Variants in DLGAP1 observed in about 807,000 individuals in gnomAD.
DLGAP1 encodes disks large-associated protein 1.
Under a neutral mutation model 90.8 loss-of-function variants are expected in DLGAP1, and 11 were observed. That is an observed-to-expected ratio of 0.12 (90% CI 0.08 to 0.20). The LOEUF is 0.20. DLGAP1 is among the 10% of genes least tolerant of loss of function. The probability of loss-of-function intolerance (pLI) is 1.00; values close to 1 mark genes in which losing one functional copy is unlikely to be tolerated. For missense variants in DLGAP1, 1,050 were observed against 1,333.8 expected, an observed-to-expected ratio of 0.79 and a Z score of 3.31; for synonymous variants, 558 against 540.7, an observed-to-expected ratio of 1.03 and a Z score of -0.44.
intron 4 of DLGAP1, among the ~76,000 whole-genome samples, chr18:3,835,948 A>C (rs976149582): frequency 3.3e-5 from 5 of 152,202 alleles, no homozygotes; most frequent in Non-Finnish European, 7.3e-5. Flanking sequence ...TAAAACAAAT[A>C]TAAAGTTGAT....
chr18:3,632,368 C>T (rs2058556072), intron 7 of DLGAP1, among the ~76,000 whole-genome samples: 1 of 150,746 alleles, frequency 6.6e-6, no homozygotes, highest in Admixed American at 6.6e-5. Flanking sequence ...GTGGACCGAT[C>T]TCTGCTCACT....
At chr18:3,880,337 C>T (rs1432051696) in intron 3 of DLGAP1, among the ~76,000 whole-genome samples, 197 bp from the exon 4 acceptor site, 1 of 151,970 alleles carries the variant, frequency 6.6e-6, no homozygotes, top group African/African-American at 2.4e-5. Flanking sequence ...GCAGGCCCCA[C>T]CACGCTTGGC....
intron 2 of DLGAP1, among the ~76,000 whole-genome samples, chr18:4,148,789 T>C (rs2076627506): frequency 6.6e-6 from 1 of 152,214 alleles, no homozygotes; most frequent in African/African-American, 2.4e-5. Flanking sequence ...TTGTTGTCTG[T>C]TTTATTTTTA....
rs1422935043 is a variant in DLGAP1 at position 3,517,496 on chromosome 18, T to C, written c.2480-8835A>G. ...TAGCTTCAAACTTTTCTTCTTCAGC[T>C]TCCTCACCTCTCTCAGCTTTCATAG... On this transcript the variant is annotated intron_variant, in intron 10 of 12. Coordinates refer to ENST00000315677, the MANE Select transcript of DLGAP1 (RefSeq NM_004746.4). The surrounding 1 kb of genome is among the most constrained non-coding windows in gnomAD (Gnocchi z 4.1). Among the ~76,000 whole-genome samples the C allele has an allele frequency of 1.3e-5, 2 of 152,216 alleles. No individual in the cohort carries two copies. Among genetic ancestry groups the C allele is most frequent in the African/African-American group, 4.8e-5 (2 of 41,442 alleles).
At chr18:4,354,378 A>C (rs1226876938) in intron 1 of DLGAP1, among the ~76,000 whole-genome samples, 1 of 152,160 alleles carries the variant, frequency 6.6e-6, no homozygotes, top group Non-Finnish European at 1.5e-5. Context: ...CAAACCCAGG[A>C]AGACGGAATG....
At chr18:3,885,288 G>C (rs954075952) in intron 3 of DLGAP1, 3 of 152,120 alleles carry the variant, frequency 2.0e-5, no homozygotes, top group African/African-American at 7.2e-5. Context: ...GCCACCTGTG[G>C]TGTGACCAAG....
intron 9 of DLGAP1, among the ~76,000 whole-genome samples, chr18:3,560,394 G>C (rs2054009880): frequency 1.4e-5 from 2 of 141,494 alleles, no homozygotes; most frequent in East Asian, 4.2e-4. Flanking sequence ...ACTCCAGCCT[G>C]GGTGACAGAG....
At chr18:3,545,076 C>A (rs1403999646) in intron 9 of DLGAP1, among the ~76,000 whole-genome samples, 1 of 151,582 alleles carries the variant, frequency 6.6e-6, no homozygotes, top group Non-Finnish European at 1.5e-5. Flanking sequence ...CGAGACCAAT[C>A]TGGCCTGGCC....
At chr18:4,135,824 C>T (rs540412605) in intron 2 of DLGAP1, among the ~76,000 whole-genome samples, 113 of 138,286 alleles carry the variant, frequency 8.2e-4, no homozygotes, top group African/African-American at 3.0e-3. Flanking sequence ...GAATAGTATT[C>T]CATAATGTAT....
intron 3 of DLGAP1, among the ~76,000 whole-genome samples, chr18:4,003,186 G>A (rs2074231371): frequency 6.6e-6 from 1 of 152,190 alleles, no homozygotes; most frequent in South Asian, 2.1e-4. Context: ...ACAATAGTTT[G>A]ATAAAAGCTT....
chr18:3,512,321 G>T (rs1161114524), intron 10 of DLGAP1, among the ~76,000 whole-genome samples: 1 of 152,164 alleles, frequency 6.6e-6, no homozygotes, highest in Admixed American at 6.5e-5. Context: ...TGATGGTGAG[G>T]CTTATAGACT....
chr18:4,248,017 T>A (rs1013417053), intron 1 of DLGAP1, among the ~76,000 whole-genome samples: 4 of 152,120 alleles, frequency 2.6e-5, no homozygotes, highest in Admixed American at 2.0e-4. Flanking sequence ...TTTGGGAGTA[T>A]TAATATGGCA....
At chr18:4,241,487 T>C (rs1370245379) in intron 1 of DLGAP1, among the ~76,000 whole-genome samples, 1 of 152,200 alleles carries the variant, frequency 6.6e-6, no homozygotes, top group Non-Finnish European at 1.5e-5. Context: ...CAAAGCTGTG[T>C]CAGCTATGAA....
At chr18:3,501,107 G>A (rs965325021) in intron 12 of DLGAP1, among the ~76,000 whole-genome samples, 16 of 151,558 alleles carry the variant, frequency 1.1e-4, no homozygotes, top group African/African-American at 3.2e-4. Context: ...TAGAGACGGC[G>A]TTTCACCATA....
intron 4 of DLGAP1, among the ~76,000 whole-genome samples, chr18:3,820,120 G>A (rs957450703): frequency 3.3e-5 from 5 of 152,208 alleles, no homozygotes; most frequent in African/African-American, 2.4e-5. Flanking sequence ...CCATGTGCAC[G>A]TGACTCTTTG....
rs537539075 is a variant in DLGAP1 at position 3,967,841 on chromosome 18, A to T, written c.-73+37275T>A. 7.9e-5 allele frequency among the ~76,000 whole-genome samples: 12 copies of T among 152,252 alleles called. No homozygotes were observed. The East Asian group carries it at 1.7e-3, about 22-fold the overall frequency. On this transcript the variant is annotated intron_variant, in intron 3 of 12. Coordinates refer to ENST00000315677, the MANE Select transcript of DLGAP1 (RefSeq NM_004746.4). ...TTAAGGGCTTCTGAGAAAATCACCCAACTATGCAGATTGATCCCCACACAC... is the reference window on the plus strand; with the variant it reads ...TTAAGGGCTTCTGAGAAAATCACCCTACTATGCAGATTGATCCCCACACAC...
intron 1 of DLGAP1, among the ~76,000 whole-genome samples, chr18:4,224,405 G>A (rs1031248850): frequency 3.9e-5 from 6 of 152,296 alleles, no homozygotes; most frequent in Admixed American, 6.5e-5. Flanking sequence ...CTTGGGGTCC[G>A]TGATACCAGG....
chr18:4,045,448 A>AAAAAAAAAAAAAAAAAAC (rs2075037659), intron 2 of DLGAP1, among the ~76,000 whole-genome samples: 1 of 142,418 alleles, frequency 7.0e-6, no homozygotes, highest in Non-Finnish European at 1.5e-5. Context: ...AAAAAAAAAA[A>AAAAAAAAAAAAAAAAAAC]AAAAAAAAAA....
intron 8 of DLGAP1, among the ~76,000 whole-genome samples, chr18:3,576,594 C>A (rs1171513630): frequency 7.5e-6 from 1 of 133,516 alleles, no homozygotes; most frequent in African/African-American, 2.9e-5. Flanking sequence ...GATGGAGCTT[C>A]GCTCTTGTTG....
Sources: allele counts gnomAD v4.1 joint callset (sites outside exome capture counted in the v4.1 genomes callset), GRCh38; gene constraint gnomAD v4.1.1; non-coding constraint Gnocchi (gnomAD v3.1); transcripts MANE v1.5; gene names NCBI Gene and HGNC (gene_info 2026-07-23, HGNC 2026-07-21).